Variants in C10orf88 observed in about 807,000 individuals in gnomAD.
The protein encoded by C10orf88 is chromosome 10 open reading frame 88.
C10orf88 carries 29 observed loss-of-function variants against 34.2 expected under a neutral mutation model. The ratio of observed to expected loss-of-function variants is 0.85; its 90% CI spans 0.63 to 1.16. C10orf88 has a LOEUF of 1.16. Ranked by LOEUF, C10orf88 falls within the 50% of genes most tolerant of loss-of-function variation. The pLI, the probability that C10orf88 is intolerant of heterozygous loss-of-function variation, is 0.00. For synonymous variants in C10orf88, 194 were observed against 197.4 expected, an observed-to-expected ratio of 0.98 and a Z score of 0.15; for missense variants, 507 against 533.2, an observed-to-expected ratio of 0.95 and a Z score of 0.48.
chr10:122,943,930 C>G (rs1359752149), intron 4 of C10orf88, among the ~76,000 whole-genome samples: 7 of 151,940 alleles, frequency 4.6e-5, no homozygotes, highest in African/African-American at 1.5e-4. Flanking sequence ...GTTGGTGGGA[C>G]TGTAAACTAG....
chr10:122,938,603 G>T (rs967402874), intron 4 of C10orf88, among the ~76,000 whole-genome samples: 1 of 151,756 alleles, frequency 6.6e-6, no homozygotes, highest in Non-Finnish European at 1.5e-5. Context: ...GTCAAAATAC[G>T]GTAAGTTACT....
At chr10:122,945,680 T>C (rs1471437742) in intron 4 of C10orf88, among the ~76,000 whole-genome samples, 1 of 152,040 alleles carries the variant, frequency 6.6e-6, no homozygotes, top group Non-Finnish European at 1.5e-5. Flanking sequence ...AAAAGCTTAA[T>C]AGAAAAAGGA....
chr10:122,948,673 C>T lies in C10orf88; in HGVS notation c.624G>A (p.Met208Ile). Residue 208 changes from methionine to isoleucine, a missense_variant, in exon 4 of 6, where the codon ATG becomes ATA. Physicochemically the swap from Met to Ile is conservative, Grantham distance 10. Transcript: ENST00000481909. Reference protein sequence around the residue: ...SKLSPGAQQLMDMVRCQQRNC... With the variant: ...SKLSPGAQQLIDMVRCQQRNC... ...CCCGCTGCTGACACCTAACCATATC[C>T]ATCAACTGCTGAGCTCCAGGAGATA... 6.2e-7 allele frequency: 1 copy of T among 1,613,870 alleles called. No homozygotes were observed. Among genetic ancestry groups the T allele is most frequent in the Non-Finnish European group, 8.5e-7 (1 of 1,179,836 alleles).
chr10:122,948,766 A>C lies in C10orf88; in HGVS notation c.531T>G (p.Ser177=). Residue 177 remains serine (S), a synonymous_variant, in exon 4 of 6, where the codon TCT becomes TCG. Transcript: ENST00000481909. ...GGTCTATCCTTGATCCTAGAGCAGG[A>C]GAGCTTGTTGAAGAATTTGCAAAAA... ...RSVFANSSTS[S]PALGSRIDLD... 6.2e-7 allele frequency: 1 copy of C among 1,614,000 alleles called. No individual in the cohort carries two copies. Among genetic ancestry groups the C allele is most frequent in the Non-Finnish European group, 8.5e-7 (1 of 1,179,904 alleles).
rs1474405247 is a variant in C10orf88 at position 122,938,099 on chromosome 10, T to C, written c.709A>G (p.Met237Val). The part of the protein sequence containing the change: ...SVLGNSGYKH[M>V]IGLQSSSTLG... ...GTAGATGAGGATTGTAGTCCAATCA[T>C]ATGCTTGTATCCAGAATTGCCCAAC... is the stretch of plus-strand genomic sequence containing the variant. Residue 237 changes from methionine to valine, a missense_variant, in exon 5 of 6, where the codon ATG becomes GTG. By Grantham distance (21) the Met-to-Val change is conservative. Coordinates refer to ENST00000481909, the MANE Select transcript of C10orf88 (RefSeq NM_024942.4). The C allele has an allele frequency of 1.9e-6, 3 of 1,612,778 alleles. 1 individual carries two copies. Among genetic ancestry groups the C allele is most frequent in the South Asian group, 2.2e-5 (2 of 90,996 alleles).
Position 122,932,283 on chromosome 10 carries a change from T to G in C10orf88, c.*144A>C. The G allele has an allele frequency of 3.1e-6, 2 of 648,676 alleles. No homozygotes were observed. The highest frequency in any genetic ancestry group is 5.1e-6 in the Non-Finnish European group (2 of 389,780). 40.2% of individuals were successfully genotyped at this position (648,676 alleles called of 1,614,324 possible). ...ACTGGATTTAAAATAACAAGTGTAG[T>G]AAAAACGAAAACTGAGGTCACTTTG... is the stretch of plus-strand genomic sequence containing the variant. On this transcript the variant is annotated 3_prime_UTR_variant, in exon 6 of 6. Coordinates refer to ENST00000481909, the MANE Select transcript of C10orf88 (RefSeq NM_024942.4).
chr10:122,944,307 T>C (rs1277353913), intron 4 of C10orf88, among the ~76,000 whole-genome samples: 1 of 141,684 alleles, frequency 7.1e-6, no homozygotes, highest in Non-Finnish European at 1.5e-5. Flanking sequence ...TTCTCACTCA[T>C]AGGTGGGAAT....
chr10:122,946,768 T>C (rs901582774), intron 4 of C10orf88, among the ~76,000 whole-genome samples: 8 of 152,074 alleles, frequency 5.3e-5, no homozygotes, highest in African/African-American at 1.7e-4. Context: ...AACATTAAAA[T>C]GAGATCTGAA....
intron 4 of C10orf88, among the ~76,000 whole-genome samples, chr10:122,940,583 G>T (rs1848573004): frequency 6.6e-6 from 1 of 151,932 alleles, no homozygotes; most frequent in Non-Finnish European, 1.5e-5. Context: ...TTTAAAAAAG[G>T]TCACATTTTC....
At chr10:122,948,532 A>G in intron 4 of C10orf88, 117 bp downstream of exon 4, 4 of 921,336 alleles carry the variant, frequency 4.3e-6, no homozygotes, top group Non-Finnish European at 6.4e-6. Flanking sequence ...CTACAAAACT[A>G]AAAGATAACA....
intron 4 of C10orf88, among the ~76,000 whole-genome samples, chr10:122,943,645 C>T (rs1848607339): frequency 1.3e-5 from 2 of 152,214 alleles, no homozygotes; most frequent in South Asian, 4.1e-4. Flanking sequence ...GGCTAATATC[C>T]AGAATCTGCA....
chr10:122,941,969 G>A (rs1848588074), intron 4 of C10orf88, among the ~76,000 whole-genome samples: 1 of 152,062 alleles, frequency 6.6e-6, no homozygotes, highest in Non-Finnish European at 1.5e-5. Flanking sequence ...CTGGGGTATA[G>A]AATGACAGCT....
At chr10:122,948,113 C>T (rs1439629670) in intron 4 of C10orf88, among the ~76,000 whole-genome samples, 2 of 152,128 alleles carry the variant, frequency 1.3e-5, no homozygotes, top group Admixed American at 1.3e-4. Context: ...TAAACTTTGC[C>T]TATTACTTTT....
chr10:122,934,399 C>T (rs1245614323), intron 5 of C10orf88, among the ~76,000 whole-genome samples: 1 of 152,098 alleles, frequency 6.6e-6, no homozygotes, highest in Non-Finnish European at 1.5e-5. Context: ...TTCATCTCTA[C>T]AGTTTTATTA....
chr10:122,952,660 T>C (rs1848701563), intron 2 of C10orf88, among the ~76,000 whole-genome samples, 169 bp downstream of exon 2: 1 of 152,274 alleles, frequency 6.6e-6, no homozygotes, highest in African/African-American at 2.4e-5. Flanking sequence ...TGATCTACAC[T>C]GTCTTTTAAG....
Position 122,938,128 on chromosome 10 carries a change from G to A in C10orf88, c.680C>T (p.Ser227Leu), listed in dbSNP as rs371333911. The change falls in exon 5 of 6, where the codon TCG (serine) becomes TTG (leucine). Residue 227 changes from serine (S) to leucine (L), a missense_variant. Ser to Leu is a moderately radical substitution (Grantham distance 145). Transcript: ENST00000481909. ...CTTGTATCCAGAATTGCCCAACACCGACTGAAGCTGCTCTCCAATGGGAAT... is the reference window on the plus strand; with the variant it reads ...CTTGTATCCAGAATTGCCCAACACCAACTGAAGCTGCTCTCCAATGGGAAT... ...NCIPIGEQLQ[S>L]VLGNSGYKHM... is the part of the protein sequence containing the mutation. The A allele has an allele frequency of 3.1e-5, 50 of 1,605,800 alleles. 1 individual carries two copies. The highest frequency in any genetic ancestry group is 8.9e-5 in the South Asian group (8 of 90,262).
intron 4 of C10orf88, among the ~76,000 whole-genome samples, chr10:122,939,726 T>A (rs1179864302): frequency 6.6e-6 from 1 of 151,982 alleles, no homozygotes; most frequent in East Asian, 1.9e-4. Context: ...GCCCATTTAT[T>A]TCTCTATGAC....
intron 4 of C10orf88, among the ~76,000 whole-genome samples, chr10:122,941,964 G>T (rs1848587955): frequency 6.6e-6 from 1 of 152,040 alleles, no homozygotes; most frequent in African/African-American, 2.4e-5. Flanking sequence ...ATCCTCTGGG[G>T]TATAGAATGA....
chr10:122,941,651 C>T (rs1006918708), intron 4 of C10orf88, among the ~76,000 whole-genome samples: 1 of 152,074 alleles, frequency 6.6e-6, no homozygotes, highest in African/African-American at 2.4e-5. Flanking sequence ...AATAAGCAAT[C>T]CTAGAGAACC....
Sources: allele counts gnomAD v4.1 joint callset (sites outside exome capture counted in the v4.1 genomes callset), GRCh38; gene constraint gnomAD v4.1.1; transcripts MANE v1.5; gene names NCBI Gene and HGNC (gene_info 2026-07-23, HGNC 2026-07-21).